The following TRIM44 variants were observed in gnomAD, a reference collection of about 807,000 sequenced individuals.
TRIM44 encodes tripartite motif-containing protein 44.
In TRIM44, 13 loss-of-function variants were observed where a neutral mutation model predicts 37.4. That is an observed-to-expected ratio of 0.35 (90% CI 0.23 to 0.55). TRIM44 has a LOEUF of 0.55. Ranked by LOEUF, TRIM44 falls within the 20% of genes least tolerant of loss-of-function variation. TRIM44 has a pLI of 0.89. For missense variants in TRIM44, 426 were observed against 437.2 expected, an observed-to-expected ratio of 0.97 and a Z score of 0.23; for synonymous variants, 175 against 157.2, an observed-to-expected ratio of 1.11 and a Z score of -0.85.
intron 2 of TRIM44, among the ~76,000 whole-genome samples, chr11:35,696,431 C>T (rs958804827): frequency 1.3e-5 from 2 of 151,546 alleles, no homozygotes; most frequent in Non-Finnish European, 2.9e-5. Flanking sequence ...CGTGAGCCGC[C>T]GCAAGCAGCC....
intron 4 of TRIM44, among the ~76,000 whole-genome samples, chr11:35,789,098 A>C (rs947655358): frequency 6.6e-6 from 1 of 152,200 alleles, no homozygotes; most frequent in African/African-American, 2.4e-5. Context: ...TGGTTGACTG[A>C]AAAATATTTA....
chr11:35,703,932 G>C (rs1467789207), intron 2 of TRIM44, among the ~76,000 whole-genome samples: 1 of 152,204 alleles, frequency 6.6e-6, no homozygotes, highest in Non-Finnish European at 1.5e-5. Context: ...CGAGTTGAGA[G>C]AAGAAGGCTT....
chr11:35,725,183 A>G, intron 2 of TRIM44, among the ~76,000 whole-genome samples: 1 of 152,162 alleles, frequency 6.6e-6, no homozygotes, highest in East Asian at 1.9e-4. Flanking sequence ...TCTTAAGTAG[A>G]AAAGTAAGAC....
chr11:35,736,617 C>T (rs1184124503), intron 4 of TRIM44, among the ~76,000 whole-genome samples: 3 of 152,186 alleles, frequency 2.0e-5, no homozygotes, highest in African/African-American at 7.2e-5. Flanking sequence ...ACATCTGCAT[C>T]TCTTGGTGTG....
chr11:35,681,334 A>G (rs575655288), intron 1 of TRIM44, among the ~76,000 whole-genome samples: 2 of 152,312 alleles, frequency 1.3e-5, no homozygotes, highest in East Asian at 3.9e-4. Context: ...ATACCTTCAC[A>G]TGTACAGCAT....
At chr11:35,803,068 A>T (rs1853390889) in intron 4 of TRIM44, among the ~76,000 whole-genome samples, 1 of 152,286 alleles carries the variant, frequency 6.6e-6, no homozygotes, top group Non-Finnish European at 1.5e-5. Context: ...CTTTCACAGT[A>T]ACCCTGGAAG....
Position 35,735,437 on chromosome 11 carries a change from A to G in TRIM44, c.999A>G (p.Glu333=). The change falls in exon 4 of 5, where the codon GAA becomes GAG. Residue 333 remains glutamate (E), a synonymous_variant. Transcript: ENST00000299413. Reference sequence around the variant, plus strand: ...TGTTTGTCTTTCAGGGCGATGAGGAAGGACCCAGGTAAGATCACATTGTTG... The same window carrying G: ...TGTTTGTCTTTCAGGGCGATGAGGAGGGACCCAGGTAAGATCACATTGTTG... ...SAEPKAEGDE[E]GPSGASEEED... 2.5e-6 allele frequency: 4 copies of G among 1,613,726 alleles called. No individual in the cohort carries two copies. The highest frequency in any genetic ancestry group is 3.4e-6 in the Non-Finnish European group (4 of 1,179,714).
At chr11:35,666,758 C>T (rs1208487715) in intron 1 of TRIM44, among the ~76,000 whole-genome samples, 1 of 152,078 alleles carries the variant, frequency 6.6e-6, no homozygotes, top group Non-Finnish European at 1.5e-5. Flanking sequence ...GACCCTATCT[C>T]TAAAATAAAA....
intron 1 of TRIM44, among the ~76,000 whole-genome samples, chr11:35,673,783 C>T (rs115734585): frequency 0.013 from 1,916 of 152,132 alleles, 42 homozygotes; most frequent in African/African-American, 0.045. Context: ...TCTTAGGCTC[C>T]TCTGGTGATA....
intron 4 of TRIM44, among the ~76,000 whole-genome samples, chr11:35,775,027 G>A (rs1852936372): frequency 6.6e-6 from 1 of 152,132 alleles, no homozygotes; most frequent in Admixed American, 6.5e-5. Context: ...AGCTTGATTG[G>A]GGATGGCATT....
chr11:35,749,808 T>C (rs1852539583), intron 4 of TRIM44, among the ~76,000 whole-genome samples: 1 of 152,218 alleles, frequency 6.6e-6, no homozygotes, highest in South Asian at 2.1e-4. Context: ...AAAATTAATA[T>C]CAAAATTTGG....
chr11:35,688,601 C>T (rs1851607208), intron 2 of TRIM44, among the ~76,000 whole-genome samples: 1 of 152,116 alleles, frequency 6.6e-6, no homozygotes, highest in Non-Finnish European at 1.5e-5. Context: ...AGATATTCTT[C>T]TGTGTCAAAA....
At chr11:35,750,832 C>T (rs1852550994) in intron 4 of TRIM44, among the ~76,000 whole-genome samples, 1 of 151,694 alleles carries the variant, frequency 6.6e-6, no homozygotes, top group Non-Finnish European at 1.5e-5. Flanking sequence ...ATTTGTACCG[C>T]AATTAAAAGT....
chr11:35,708,850 A>G (rs773303126), intron 2 of TRIM44, among the ~76,000 whole-genome samples: 2 of 152,100 alleles, frequency 1.3e-5, no homozygotes, highest in Non-Finnish European at 2.9e-5. Flanking sequence ...AGCATGGCAC[A>G]TGTATACAAC....
intron 4 of TRIM44, among the ~76,000 whole-genome samples, chr11:35,785,009 TA>T (rs1329909344): frequency 6.6e-6 from 1 of 152,192 alleles, no homozygotes; most frequent in Non-Finnish European, 1.5e-5. Flanking sequence ...ACCAGTGCAA[TA>T]ACCTTAAAGA....
At chr11:35,667,167 T>C (rs983195489) in intron 1 of TRIM44, among the ~76,000 whole-genome samples, 3 of 152,214 alleles carry the variant, frequency 2.0e-5, no homozygotes, top group Non-Finnish European at 4.4e-5. Context: ...TGCTAAGTTT[T>C]TCTGAATTTT....
rs1011125981 is a variant in TRIM44, at chr11:35,814,322, C to T, written c.*7937C>T. On this transcript the variant is annotated 3_prime_UTR_variant, in exon 5 of 5. Transcript: ENST00000299413. ...GAAGAAATAATTCAGAAGCAAAAGACACATGAAGTTATGTGGCAGTTCCTC... is the reference window on the plus strand; with the variant it reads ...GAAGAAATAATTCAGAAGCAAAAGATACATGAAGTTATGTGGCAGTTCCTC... The T allele has an allele frequency of 2.0e-5, 3 of 152,220 alleles. No individual in the cohort carries two copies. Among genetic ancestry groups the T allele is most frequent in the Non-Finnish European group, 4.4e-5 (3 of 68,040 alleles). The allele number at this position is 152,220 out of a possible 1,614,324, so 9.4% of individuals were successfully genotyped here.
Position 35,726,043 on chromosome 11 carries a change from A to C in TRIM44, c.867A>C (p.Thr289=). 1.2e-6 allele frequency: 2 copies of C among 1,614,198 alleles called. No homozygotes were observed. Among genetic ancestry groups the C allele is most frequent in the Non-Finnish European group, 8.5e-7 (1 of 1,180,018 alleles). The part of the protein sequence containing the change: ...HLVDIQEAMA[T]AHVTEILADI... ...TGGACATCCAAGAGGCAATGGCCAC[A>C]GCTCATGTGACTGAGATACTGGCAG... The change falls in exon 3 of 5, where the codon ACA becomes ACC. Residue 289 remains threonine, a synonymous_variant. Coordinates refer to ENST00000299413, the MANE Select transcript of TRIM44 (RefSeq NM_017583.6).
At chr11:35,707,020 T>C (rs1255597699) in intron 2 of TRIM44, among the ~76,000 whole-genome samples, 1 of 152,162 alleles carries the variant, frequency 6.6e-6, no homozygotes, top group Non-Finnish European at 1.5e-5. Flanking sequence ...AACCCCATTG[T>C]TTCAGCCCAA....
Sources: allele counts gnomAD v4.1 joint callset (sites outside exome capture counted in the v4.1 genomes callset), GRCh38; gene constraint gnomAD v4.1.1; transcripts MANE v1.5; gene names NCBI Gene and HGNC (gene_info 2026-07-23, HGNC 2026-07-21).